Variants in ARPC1A observed in about 807,000 individuals in gnomAD.
ARPC1A encodes the protein actin-related protein 2/3 complex subunit 1A.
Under a neutral mutation model 46.9 loss-of-function variants are expected in ARPC1A, and 8 were observed. That is an observed-to-expected ratio of 0.17 (90% confidence interval 0.10 to 0.31). The LOEUF (loss-of-function observed/expected upper bound fraction) is 0.31. Among genes scored for constraint, ARPC1A ranks in the 10% least tolerant of loss-of-function variants. The probability of loss-of-function intolerance (pLI) is 1.00; values close to 1 mark genes in which losing one functional copy is unlikely to be tolerated. For synonymous variants in ARPC1A, 152 were observed against 169.0 expected (o/e 0.90, Z 0.78); for missense variants, 286 against 483.6 (o/e 0.59, Z 3.83).
chr7:99,344,660 C>G (rs1183104979), intron 4 of ARPC1A, 145 bp downstream of exon 4: 3 of 857,984 alleles, frequency 3.5e-6, no homozygotes, highest in Non-Finnish European at 5.3e-6. Flanking sequence ...TGAGCATTTT[C>G]CCTTCTCATG....
intron 4 of ARPC1A, among the ~76,000 whole-genome samples, chr7:99,347,748 G>C (rs575253617): frequency 4.5e-4 from 68 of 151,404 alleles, no homozygotes; most frequent in Middle Eastern, 3.4e-3. Flanking sequence ...ATTCTTGCTT[G>C]ACCCCGGGAG....
chr7:99,332,718 C>T (rs1049506401), intron 1 of ARPC1A, among the ~76,000 whole-genome samples: 2 of 150,350 alleles, frequency 1.3e-5, no homozygotes, highest in African/African-American at 4.9e-5. Flanking sequence ...TCTCCTGTCT[C>T]GGCCTCCCAA....
intron 3 of ARPC1A, among the ~76,000 whole-genome samples, chr7:99,341,909 A>G (rs1384566850): frequency 6.6e-6 from 1 of 152,082 alleles, no homozygotes; most frequent in Non-Finnish European, 1.5e-5. Flanking sequence ...ATTTTAGGGG[A>G]AAAAAATATT....
At chr7:99,333,832 T>C (rs1189761731) in intron 2 of ARPC1A, among the ~76,000 whole-genome samples, 1 of 152,072 alleles carries the variant, frequency 6.6e-6, no homozygotes, top group Non-Finnish European at 1.5e-5. Flanking sequence ...GCAAGCAAAG[T>C]GACAGATAAT....
chr7:99,357,395 C>T (rs758163561), intron 6 of ARPC1A, among the ~76,000 whole-genome samples: 6 of 151,922 alleles, frequency 3.9e-5, no homozygotes, highest in Non-Finnish European at 7.4e-5. Flanking sequence ...CACTCTCTGT[C>T]GCCCAGGCTG....
intron 5 of ARPC1A, among the ~76,000 whole-genome samples, chr7:99,353,113 T>TTATGTTATG (rs1359882913): frequency 2.2e-5 from 3 of 136,614 alleles, no homozygotes; most frequent in East Asian, 2.1e-4. Flanking sequence ...TTTAGTTTAG[T>TTATGTTATG]TTATGTTATG....
chr7:99,365,896 C>G lies in ARPC1A; in HGVS notation c.1080C>G (p.Leu360=). ...GAMTIWDFKT[L]ESSIQGLRIM ...CTCTTCCCACCTTTTCCAAGACCCT[C>G]GAGTCTTCCATCCAGGGCCTCCGGA... Residue 360 remains leucine (L), a synonymous_variant, in exon 10 of 10, where the codon CTC becomes CTG. Coordinates refer to ENST00000262942, the MANE Select transcript of ARPC1A (RefSeq NM_006409.4). 2 of 1,574,766 alleles carry G rather than the reference C, an allele frequency of 1.3e-6. No homozygotes were observed. The highest frequency in any genetic ancestry group is 8.6e-7 in the Non-Finnish European group (1 of 1,158,084).
intron 3 of ARPC1A, among the ~76,000 whole-genome samples, chr7:99,343,549 A>G (rs1013069237): frequency 1.3e-5 from 2 of 152,200 alleles, no homozygotes; most frequent in Non-Finnish European, 2.9e-5. Flanking sequence ...CTCTTGGTAT[A>G]TAAGAAACTG....
chr7:99,357,463 G>A (rs1202891893), intron 6 of ARPC1A, among the ~76,000 whole-genome samples: 1 of 151,568 alleles, frequency 6.6e-6, no homozygotes. Context: ...TGGAGCCACA[G>A]ACGTGCACCA....
At chr7:99,338,088 C>G in intron 2 of ARPC1A, 93 bp from the exon 3 acceptor site, 5 of 892,472 alleles carry the variant, frequency 5.6e-6, no homozygotes, top group East Asian at 2.8e-5. Flanking sequence ...CTTTTCCTTA[C>G]TATAGTCTGC....
chr7:99,355,812 CTTAAA>C (rs139189517), intron 6 of ARPC1A, among the ~76,000 whole-genome samples: 14,826 of 151,996 alleles, frequency 0.098, 1,117 homozygotes, highest in African/African-American at 0.22. Flanking sequence ...GTTCACCGGC[CTTAAA>C]TTAAATAGGA....
intron 9 of ARPC1A, among the ~76,000 whole-genome samples, chr7:99,364,047 C>T (rs561559597): frequency 1.3e-5 from 2 of 151,836 alleles, no homozygotes; most frequent in East Asian, 3.9e-4. Flanking sequence ...CTCCGCCTCC[C>T]GGGTTGGAGC....
At chr7:99,349,379 T>C (rs1415432031) in intron 5 of ARPC1A, among the ~76,000 whole-genome samples, 3 of 152,034 alleles carry the variant, frequency 2.0e-5, no homozygotes, top group Non-Finnish European at 2.9e-5. Context: ...TTTCCTTTTC[T>C]TTGCAAGGTA....
At chr7:99,358,657 C>T (rs971794441) in intron 7 of ARPC1A, 1 of 445,704 alleles carries the variant, frequency 2.2e-6, no homozygotes, top group African/African-American at 2.1e-5. Context: ...TCTCCCGCCT[C>T]AGCCTCTCGA....
At chr7:99,329,612 T>C (rs537719033) in intron 1 of ARPC1A, among the ~76,000 whole-genome samples, 2 of 152,208 alleles carry the variant, frequency 1.3e-5, no homozygotes, top group African/African-American at 4.8e-5. Context: ...GCCACCTGAT[T>C]ATAAAAGAAG....
chr7:99,360,655 A>T (rs1156591269), intron 8 of ARPC1A, among the ~76,000 whole-genome samples: 2 of 152,074 alleles, frequency 1.3e-5, no homozygotes, highest in Non-Finnish European at 2.9e-5. Flanking sequence ...GGTCTAGAGG[A>T]GAGGCTGGGC....
chr7:99,359,448 A>G (rs972198564), intron 7 of ARPC1A, 97 bp from the exon 8 acceptor site: 168 of 1,277,770 alleles, frequency 1.3e-4, no homozygotes, highest in Middle Eastern at 2.7e-4. Context: ...AAAAAAAAAA[A>G]AAAAAGAGTA....
At chr7:99,326,345 G>T (rs1793047732) in intron 1 of ARPC1A, among the ~76,000 whole-genome samples, 3 of 152,186 alleles carry the variant, frequency 2.0e-5, no homozygotes, top group African/African-American at 7.2e-5. Context: ...GTAATCGAGC[G>T]ACCCGCGGGA....
At chr7:99,328,127 T>G (rs1182788420) in intron 1 of ARPC1A, among the ~76,000 whole-genome samples, 2 of 152,130 alleles carry the variant, frequency 1.3e-5, no homozygotes, top group Non-Finnish European at 2.9e-5. Flanking sequence ...TCCCAACACT[T>G]TGAGAGGCTG....
Sources: gnomAD v4.1 joint callset for allele counts (sites outside exome capture counted in the v4.1 genomes callset) on GRCh38, gnomAD v4.1.1 for gene constraint, MANE v1.5 for transcripts, NCBI Gene and HGNC (gene_info 2026-07-23, HGNC 2026-07-21) for gene names.